ENTREP2: variants seen among roughly 807,000 people sequenced by gnomAD.
ENTREP2 encodes the protein protein ENTREP2.
the ENTREP2 span, among the ~76,000 whole-genome samples, chr15:29,597,682 T>C: frequency 1.3e-5 from 2 of 152,326 alleles, no homozygotes; most frequent in South Asian, 2.1e-4. Flanking sequence ...CATTCACCTA[T>C]TGAAGGATAT....
chr15:29,601,348 C>T, the ENTREP2 span, among the ~76,000 whole-genome samples: 2 of 151,996 alleles, frequency 1.3e-5, no homozygotes, highest in South Asian at 4.1e-4. Context: ...GTTTGCATCA[C>T]TTCCAACATT....
chr15:29,390,404 CAT>C, the ENTREP2 span, among the ~76,000 whole-genome samples: 1 of 151,746 alleles, frequency 6.6e-6, no homozygotes, highest in African/African-American at 2.4e-5. Context: ...GGAAGAGTAA[CAT>C]AGAATTAAAT....
the ENTREP2 span, among the ~76,000 whole-genome samples, chr15:29,624,869 A>G: frequency 2.5e-5 from 3 of 119,934 alleles, no homozygotes; most frequent in Non-Finnish European, 5.1e-5. Context: ...CCCTGCATTA[A>G]TTTGTGTGTG....
the ENTREP2 span, among the ~76,000 whole-genome samples, chr15:29,363,219 AT>A: frequency 6.6e-6 from 1 of 152,262 alleles, no homozygotes; most frequent in Non-Finnish European, 1.5e-5. Context: ...TGGATTTATA[AT>A]GAATTTTCCG....
the ENTREP2 span, among the ~76,000 whole-genome samples, chr15:29,639,919 C>A: frequency 6.6e-6 from 1 of 152,136 alleles, no homozygotes; most frequent in East Asian, 1.9e-4. Flanking sequence ...CAGGTGCGCA[C>A]CACCACGCCC....
At chr15:29,289,715 G>A in the ENTREP2 span, among the ~76,000 whole-genome samples, 1 of 152,002 alleles carries the variant, frequency 6.6e-6, no homozygotes, top group African/African-American at 2.4e-5. Context: ...GCATGGTGGT[G>A]CGCACCTGTA....
the ENTREP2 span, among the ~76,000 whole-genome samples, chr15:29,200,225 G>T: frequency 6.6e-6 from 1 of 152,036 alleles, no homozygotes; most frequent in African/African-American, 2.4e-5. Flanking sequence ...ACCCAGGCTG[G>T]AGTGCAGTGG....
the ENTREP2 span, among the ~76,000 whole-genome samples, chr15:29,340,003 G>A: frequency 6.6e-6 from 1 of 152,208 alleles, no homozygotes; most frequent in African/African-American, 2.4e-5. Flanking sequence ...GTATATTTCA[G>A]AATTAGTATT....
the ENTREP2 span, among the ~76,000 whole-genome samples, chr15:29,489,805 C>G: frequency 2.0e-5 from 3 of 152,150 alleles, no homozygotes; most frequent in African/African-American, 7.2e-5. Flanking sequence ...GGTACCATCG[C>G]TCAGCTACAC....
At chr15:29,604,118 C>T in the ENTREP2 span, among the ~76,000 whole-genome samples, 2 of 151,944 alleles carry the variant, frequency 1.3e-5, no homozygotes, top group Non-Finnish European at 2.9e-5. Flanking sequence ...TGAGGAAACT[C>T]GATAGAAAAC....
At chr15:29,493,004 CA>C in the ENTREP2 span, among the ~76,000 whole-genome samples, 62 of 122,656 alleles carry the variant, frequency 5.1e-4, no homozygotes, top group Non-Finnish European at 6.6e-4. Context: ...ACTCCGTCTC[CA>C]AAAAAAAAAA....
the ENTREP2 span, among the ~76,000 whole-genome samples, chr15:29,596,974 A>T: frequency 8.3e-3 from 1,257 of 151,564 alleles, 11 homozygotes; most frequent in Middle Eastern, 0.014. Flanking sequence ...TCGGCTCCTA[A>T]TTTTTTTTAA....
At chr15:29,294,343 C>T in the ENTREP2 span, among the ~76,000 whole-genome samples, 1 of 152,228 alleles carries the variant, frequency 6.6e-6, no homozygotes, top group Non-Finnish European at 1.5e-5. Flanking sequence ...AACCTCAGCC[C>T]ACTCCCTGCT....
the ENTREP2 span, among the ~76,000 whole-genome samples, chr15:29,315,794 CGCATTAT>C: frequency 6.6e-6 from 1 of 152,022 alleles, no homozygotes; most frequent in Non-Finnish European, 1.5e-5. Context: ...AATGATAAAC[CGCATTAT>C]GCAGTAAACA....
chr15:29,399,359 A>G, the ENTREP2 span, among the ~76,000 whole-genome samples: 1 of 152,268 alleles, frequency 6.6e-6, no homozygotes, highest in Admixed American at 6.5e-5. Context: ...AATTTGCCAC[A>G]TAACAATAGA....
the ENTREP2 span, among the ~76,000 whole-genome samples, chr15:29,141,089 G>A: frequency 6.6e-6 from 1 of 152,218 alleles, no homozygotes; most frequent in South Asian, 2.1e-4. Context: ...GCACGTGGAA[G>A]TGATGGAGGA....
At chr15:29,425,923 T>C in the ENTREP2 span, among the ~76,000 whole-genome samples, 15 of 151,564 alleles carry the variant, frequency 9.9e-5, no homozygotes, top group Admixed American at 2.6e-4. Context: ...ATTGGTTTAA[T>C]TGCTTACTTC....
At chr15:29,219,040 C>T in the ENTREP2 span, among the ~76,000 whole-genome samples, 1 of 151,966 alleles carries the variant, frequency 6.6e-6, no homozygotes, top group Non-Finnish European at 1.5e-5. Flanking sequence ...GGTGGCAGAA[C>T]ATCTTCACAA....
the ENTREP2 span, among the ~76,000 whole-genome samples, chr15:29,662,211 C>CAAAAAAAAAAAAAAAAAA: frequency 1.0e-3 from 48 of 46,846 alleles, no homozygotes; most frequent in Non-Finnish European, 1.5e-3. Flanking sequence ...AACCCTGTCG[C>CAAAAAAAAAAAAAAAAAA]AAAAAAAAAA....
Sources: gnomAD v4.1 joint callset for allele counts (sites outside exome capture counted in the v4.1 genomes callset) on GRCh38, gnomAD v4.1.1 for gene constraint, MANE v1.5 for transcripts, NCBI Gene and HGNC (gene_info 2026-07-23, HGNC 2026-07-21) for gene names.